Variants in CEP43 observed in about 807,000 individuals in gnomAD.
The protein encoded by CEP43 is centrosomal protein 43, also known as FGFR1 oncogene partner.
CEP43 carries 36 observed loss-of-function variants against 52.6 expected under a neutral mutation model. The ratio of observed to expected loss-of-function variants is 0.68; its 90% CI spans 0.52 to 0.90. The LOEUF is 0.90. Ranked by LOEUF, CEP43 falls within the 40% of genes least tolerant of loss-of-function variation. The pLI is 0.00. For synonymous variants in CEP43, 192 were observed against 172.4 expected (o/e 1.11, Z -0.89); for missense variants, 506 against 472.8 (o/e 1.07, Z -0.65).
At position 167,048,812 on chromosome 6, in the gene CEP43, T is replaced by C. The variant is rs1173456425; in HGVS notation, c.*8834T>C. 6.6e-6 allele frequency: 1 copy of C among 152,270 alleles called. No homozygotes were observed. The highest frequency in any genetic ancestry group is 2.4e-5 in the African/African-American group (1 of 41,472). 9.4% of individuals were successfully genotyped at this position (152,270 alleles called of 1,614,324 possible). A position where few individuals can be genotyped will look rare whatever the true frequency, so the allele number is the denominator to read the frequency against. On this transcript the variant is annotated 3_prime_UTR_variant, in exon 13 of 13. Coordinates refer to ENST00000366847, the MANE Select transcript of CEP43 (RefSeq NM_007045.4). ...TAATGAATGTCATTGAAAGAGCATG[T>C]ACATCACTAAATGTTCTTAGTCACT... is the stretch of plus-strand genomic sequence containing the variant.
rs1780815221 is a variant in CEP43 at position 167,047,547 on chromosome 6, A to G, written c.*7569A>G. The stretch of plus-strand genomic sequence containing the variant: ...AAGTCACTAGTACTCAGTAAATACT[A>G]TTTTTATTAAGAAGGTAAGATTCAC... On this transcript the variant is annotated 3_prime_UTR_variant, in exon 13 of 13. Coordinates refer to ENST00000366847, the MANE Select transcript of CEP43 (RefSeq NM_007045.4). The G allele has an allele frequency of 6.6e-6, 1 of 152,106 alleles. No individual in the cohort carries two copies. Among genetic ancestry groups the G allele is most frequent in the Non-Finnish European group, 1.5e-5 (1 of 68,010 alleles). 9.4% of individuals were successfully genotyped at this position (152,106 alleles called of 1,614,324 possible).
In CEP43 at chr6:167,035,699, T is replaced by A. The variant is rs368720703; in HGVS notation, c.1125+1728T>A. Among the ~76,000 whole-genome samples the A allele has an allele frequency of 4.6e-5, 7 of 152,190 alleles. No individual in the cohort carries two copies. In the East Asian group the frequency reaches 1.2e-3, roughly 25 times the overall value. On this transcript the variant is annotated intron_variant, in intron 12 of 12. Transcript: ENST00000366847. ...CTGCTGCCTCAGCCTCCCGCGTAGC[T>A]GGGACTACAGGCGCCTGCCACCACG...
At chr6:167,034,708 C>G (rs1018133987) in intron 12 of CEP43, among the ~76,000 whole-genome samples, 1 of 152,212 alleles carries the variant, frequency 6.6e-6, no homozygotes, top group Non-Finnish European at 1.5e-5. Context: ...ACCACACAAT[C>G]TAAGTCAGCA....
chr6:167,023,047 A>G (rs1046833333), intron 8 of CEP43, among the ~76,000 whole-genome samples: 3 of 152,168 alleles, frequency 2.0e-5, no homozygotes, highest in Admixed American at 1.3e-4. Context: ...TCAGCTGTCC[A>G]AATTGGAGGG....
chr6:167,034,534 A>G (rs1005567634), intron 12 of CEP43, among the ~76,000 whole-genome samples: 2 of 152,230 alleles, frequency 1.3e-5, no homozygotes, highest in African/African-American at 4.8e-5. Flanking sequence ...GTCACCTGTC[A>G]GTACCCACTT....
At position 167,022,463 on chromosome 6, in the gene CEP43, A is replaced by C; in HGVS notation, c.634A>C (p.Lys212Gln). Residue 212 changes from lysine to glutamine, a missense_variant, in exon 8 of 13, where the codon AAG becomes CAG. Lys to Gln is a moderately conservative substitution (Grantham distance 53). Coordinates refer to ENST00000366847, the MANE Select transcript of CEP43 (RefSeq NM_007045.4). Reference protein sequence around the residue: ...SDTSVSLSEPKSKSSLHLLSH... With the variant: ...SDTSVSLSEPQSKSSLHLLSH... ...TACAAGTGTCTCCTTGTCAGAACCCAAGAGCAAAAGCAGCCTTCACTTACT... is the reference window on the plus strand; with the variant it reads ...TACAAGTGTCTCCTTGTCAGAACCCCAGAGCAAAAGCAGCCTTCACTTACT... The C allele has an allele frequency of 5.0e-6, 8 of 1,614,216 alleles. No homozygotes were observed. Among genetic ancestry groups the C allele is most frequent in the Non-Finnish European group, 6.8e-6 (8 of 1,180,044 alleles).
intron 11 of CEP43, among the ~76,000 whole-genome samples, chr6:167,033,090 T>A (rs1242885669): frequency 6.7e-6 from 1 of 148,892 alleles, no homozygotes; most frequent in Non-Finnish European, 1.5e-5. Flanking sequence ...CTAATAAGAT[T>A]GCCATTCTCT....
chr6:167,040,340 G>A lies in CEP43; in HGVS notation c.*362G>A. The A allele has an allele frequency of 7.1e-7, 1 of 1,411,274 alleles. No individual in the cohort carries two copies. The highest frequency in any genetic ancestry group is 2.6e-5 in the East Asian group (1 of 38,564). The allele number at this position is 1,411,274 out of a possible 1,614,324, so 87.4% of individuals were successfully genotyped here. A position where few individuals can be genotyped will look rare whatever the true frequency, so the allele number is the denominator to read the frequency against. On this transcript the variant is annotated 3_prime_UTR_variant, in exon 13 of 13. Coordinates refer to ENST00000366847, the MANE Select transcript of CEP43 (RefSeq NM_007045.4). ...CAACCCTTTGTGTGTGTGGCTGCTG[G>A]TACGTGTGATCTTTGAAAACCTTGG...
chr6:167,011,331 A>G (rs113415479), intron 6 of CEP43, among the ~76,000 whole-genome samples: 3,087 of 152,264 alleles, frequency 0.02, 52 homozygotes, highest in East Asian at 0.092. Flanking sequence ...TTTTTAATAT[A>G]CCTGGGCTGT....
At chr6:167,003,923 A>G (rs1404956629) in intron 4 of CEP43, 112 bp downstream of exon 4, 1 of 722,892 alleles carries the variant, frequency 1.4e-6, no homozygotes, top group African/African-American at 1.8e-5. Context: ...CATTTAGATT[A>G]TTTTTGGTAG....
chr6:167,013,630 C>T (rs1487295612), intron 7 of CEP43, 63 bp downstream of exon 7: 3 of 1,335,042 alleles, frequency 2.2e-6, no homozygotes, highest in Non-Finnish European at 3.2e-6. Flanking sequence ...ACTCTGGGGC[C>T]TCCTGGAGCG....
At chr6:167,000,986 G>A (rs1779721993) in intron 2 of CEP43, among the ~76,000 whole-genome samples, 2 of 152,228 alleles carry the variant, frequency 1.3e-5, no homozygotes, top group Non-Finnish European at 2.9e-5. Flanking sequence ...TACCAACCTG[G>A]TTAGGTCCTG....
Position 167,049,057 on chromosome 6 carries a change from T to C in CEP43, c.*9079T>C, listed in dbSNP as rs1029599046. 6.6e-6 allele frequency: 1 copy of C among 152,252 alleles called. No homozygotes were observed. Among genetic ancestry groups the C allele is most frequent in the African/African-American group, 2.4e-5 (1 of 41,468 alleles). 9.4% of individuals were successfully genotyped at this position (152,252 alleles called of 1,614,324 possible). ...AGATATTTTTAAAATCATTGTCCTATGGAAAAGTCATATAGAACGTTTGCT... is the reference window on the plus strand; with the variant it reads ...AGATATTTTTAAAATCATTGTCCTACGGAAAAGTCATATAGAACGTTTGCT... On this transcript the variant is annotated 3_prime_UTR_variant, in exon 13 of 13. Coordinates refer to ENST00000366847, the MANE Select transcript of CEP43 (RefSeq NM_007045.4).
At chr6:167,021,130 C>T (rs1263969015) in intron 7 of CEP43, among the ~76,000 whole-genome samples, 1 of 151,598 alleles carries the variant, frequency 6.6e-6, no homozygotes, top group Non-Finnish European at 1.5e-5. Flanking sequence ...ATTCCAGATT[C>T]CTTGTTTCAG....
intron 10 of CEP43, chr6:167,028,351 T>C: frequency 1.0e-6 from 1 of 985,374 alleles, no homozygotes; most frequent in African/African-American, 1.7e-5. Context: ...GGTGGTGTGC[T>C]CCTTCACTTC....
intron 9 of CEP43, 29 bp from the exon 10 acceptor site, chr6:167,026,518 C>T: frequency 7.2e-7 from 1 of 1,389,284 alleles, no homozygotes; most frequent in East Asian, 2.3e-5. Flanking sequence ...CTAAGTCACT[C>T]TAATGTTAAT....
At chr6:167,028,904 G>GTT (rs1780409124) in intron 10 of CEP43, among the ~76,000 whole-genome samples, 2 of 152,098 alleles carry the variant, frequency 1.3e-5, no homozygotes, top group South Asian at 2.1e-4. Flanking sequence ...ATCTATTTTA[G>GTT]TTTGGCAGAC....
intron 5 of CEP43, among the ~76,000 whole-genome samples, chr6:167,009,278 C>T (rs1428234774): frequency 3.3e-5 from 5 of 151,096 alleles, no homozygotes; most frequent in Non-Finnish European, 7.4e-5. Context: ...TGTAATCCCA[C>T]ATTGGGAGGC....
intron 9 of CEP43, 150 bp from the exon 10 acceptor site, chr6:167,026,397 C>T: frequency 1.6e-6 from 1 of 634,264 alleles, no homozygotes; most frequent in African/African-American, 1.8e-5. Context: ...CTTAAGCGTT[C>T]ATTAATCACA....
Sources: gnomAD v4.1 joint callset for allele counts (sites outside exome capture counted in the v4.1 genomes callset) on GRCh38, gnomAD v4.1.1 for gene constraint, MANE v1.5 for transcripts, NCBI Gene and HGNC (gene_info 2026-07-23, HGNC 2026-07-21) for gene names.